GCLC: variants seen among roughly 807,000 people sequenced by gnomAD.
GCLC encodes glutamate-cysteine ligase catalytic subunit.
GCLC carries 30 observed loss-of-function variants against 81.5 expected under a neutral mutation model. That is an observed-to-expected ratio of 0.37 (90% CI 0.28 to 0.50). GCLC has a LOEUF of 0.50. Among genes scored for constraint, GCLC ranks in the 20% least tolerant of loss-of-function variants. The pLI is 0.96. For synonymous variants in GCLC, 262 were observed against 273.3 expected (o/e 0.96, Z 0.41); for missense variants, 556 against 777.4 (o/e 0.72, Z 3.39).
At chr6:53,520,261 A>G (rs1581739707) in intron 3 of GCLC, among the ~76,000 whole-genome samples, 3 of 152,250 alleles carry the variant, frequency 2.0e-5, no homozygotes, top group East Asian at 3.8e-4. Context: ...CAAGGACCTA[A>G]TGACTCACGT....
intron 1 of GCLC, among the ~76,000 whole-genome samples, chr6:53,539,966 C>T (rs374770788): frequency 1.4e-4 from 22 of 152,334 alleles, no homozygotes; most frequent in East Asian, 1.2e-3. Flanking sequence ...TTCTTTTTCA[C>T]GAGGCTCACC....
intron 12 of GCLC, among the ~76,000 whole-genome samples, chr6:53,501,653 C>T (rs779682552): frequency 1.3e-3 from 196 of 152,220 alleles, no homozygotes; most frequent in Non-Finnish European, 2.1e-3. Flanking sequence ...GCAGGGAGTG[C>T]GATTGTTATG....
chr6:53,504,387 G>A (rs1314796938), intron 12 of GCLC, among the ~76,000 whole-genome samples: 1 of 152,098 alleles, frequency 6.6e-6, no homozygotes, highest in Non-Finnish European at 1.5e-5. Context: ...TACAGAGTAT[G>A]CCCTTGCAAG....
Position 53,506,145 on chromosome 6 carries a change from A to C in GCLC, c.1198-250T>G. 2 of 434,384 alleles carry C rather than the reference A, an allele frequency of 4.6e-6. No homozygotes were observed. The highest frequency in any genetic ancestry group is 8.6e-6 in the Non-Finnish European group (2 of 233,196). The allele number at this position is 434,384 out of a possible 1,614,324, so 26.9% of individuals were successfully genotyped here. ...TAATCTCACCCAGCTCCTACTCCCT[A>C]TCTCCCAGCTACAGAGCAGCATCTG... On this transcript the variant is annotated intron_variant, in intron 10 of 15. Transcript: ENST00000650454. This position sits in a 1 kb window ranked among gnomAD's most constrained non-coding sequence, Gnocchi z 4.0.
intron 1 of GCLC, among the ~76,000 whole-genome samples, chr6:53,537,315 A>T (rs561849278): frequency 6.6e-6 from 1 of 152,362 alleles, no homozygotes; most frequent in East Asian, 1.9e-4. Context: ...CTGTTGAATC[A>T]ATGTCCAGTG....
intron 3 of GCLC, among the ~76,000 whole-genome samples, chr6:53,518,393 G>A (rs958349562): frequency 6.6e-6 from 1 of 152,156 alleles, no homozygotes; most frequent in African/African-American, 2.4e-5. Context: ...TGGGATTACA[G>A]GCGCATGCCA....
In GCLC at chr6:53,506,180, G is replaced by A. The variant is rs1278121594; in HGVS notation, c.1198-285C>T. 4 of 383,056 alleles carry A rather than the reference G, an allele frequency of 1.0e-5. No homozygotes were observed. The highest frequency in any genetic ancestry group is 2.3e-5 in the South Asian group (1 of 44,174). 23.7% of individuals were successfully genotyped at this position (383,056 alleles called of 1,614,324 possible). On this transcript the variant is annotated intron_variant, in intron 10 of 15. Coordinates refer to ENST00000650454, the MANE Select transcript of GCLC (RefSeq NM_001498.4). The surrounding 1 kb of genome is among the most constrained non-coding windows in gnomAD (Gnocchi z 4.0). The stretch of plus-strand genomic sequence containing the variant: ...TACAGAGCAGCATCTGAAGAGCCAC[G>A]GGGCCCCCACCTTCATCCCTGAGAA...
chr6:53,540,271 G>T (rs1487687359), intron 1 of GCLC, among the ~76,000 whole-genome samples: 1 of 137,192 alleles, frequency 7.3e-6, no homozygotes, highest in Non-Finnish European at 1.5e-5. Flanking sequence ...TTCACTGACA[G>T]AAGAATGAAG....
intron 1 of GCLC, among the ~76,000 whole-genome samples, chr6:53,528,797 A>G (rs1763125355): frequency 6.6e-6 from 1 of 152,202 alleles, no homozygotes; most frequent in African/African-American, 2.4e-5. Flanking sequence ...AAAATCAATT[A>G]ATTTCCTATA....
chr6:53,505,504 A>G lies in GCLC; in HGVS notation c.1291-8T>C, dbSNP rs773237849. The stretch of plus-strand genomic sequence containing the variant: ...AAAGTCTGTTAATTGCACCTAGACA[A>G]GCAGAAGCCCAGAGAAGTTATGAAC... On this transcript the variant is annotated splice_region_variant and splice_polypyrimidine_tract_variant and intron_variant, in intron 11 of 15. Coordinates refer to ENST00000650454, the MANE Select transcript of GCLC (RefSeq NM_001498.4). 1.4e-6 allele frequency: 2 copies of G among 1,444,204 alleles called. No individual in the cohort carries two copies. Among genetic ancestry groups the G allele is most frequent in the Non-Finnish European group, 2.0e-6 (2 of 1,025,372 alleles). The allele number at this position is 1,444,204 out of a possible 1,614,324, so 89.5% of individuals were successfully genotyped here.
At chr6:53,526,564 C>G (rs530042751) in intron 1 of GCLC, among the ~76,000 whole-genome samples, 2 of 152,006 alleles carry the variant, frequency 1.3e-5, no homozygotes, top group East Asian at 3.9e-4. Flanking sequence ...TTTGGGAGGC[C>G]GAGGCGGGCG....
At chr6:53,534,618 G>C (rs556415910) in intron 1 of GCLC, among the ~76,000 whole-genome samples, 15 of 150,874 alleles carry the variant, frequency 9.9e-5, no homozygotes, top group Admixed American at 2.7e-4. Flanking sequence ...CTTACTGCCT[G>C]GGGAGAGGCT....
At chr6:53,536,706 TACAG>T (rs1468989699) in intron 1 of GCLC, among the ~76,000 whole-genome samples, 1 of 152,198 alleles carries the variant, frequency 6.6e-6, no homozygotes, top group Non-Finnish European at 1.5e-5. Flanking sequence ...TTTCTGAACA[TACAG>T]AGTCTTACTG....
chr6:53,518,843 T>C (rs1252344712), intron 3 of GCLC, among the ~76,000 whole-genome samples: 1 of 152,216 alleles, frequency 6.6e-6, no homozygotes, highest in African/African-American at 2.4e-5. Context: ...TCATTTAACA[T>C]CTGTAACCTA....
chr6:53,543,966 AGT>A (rs909904661), intron 1 of GCLC, among the ~76,000 whole-genome samples: 1 of 152,180 alleles, frequency 6.6e-6, no homozygotes, highest in Admixed American at 6.5e-5. Flanking sequence ...ATAGCTATGA[AGT>A]GTGTGTGTTT....
At chr6:53,512,704 C>T (rs1764776870) in intron 6 of GCLC, among the ~76,000 whole-genome samples, 1 of 152,068 alleles carries the variant, frequency 6.6e-6, no homozygotes, top group Admixed American at 6.6e-5. Context: ...AAAATTCTAT[C>T]TACAAGCAAC....
intron 12 of GCLC, among the ~76,000 whole-genome samples, chr6:53,504,251 A>G (rs557581111): frequency 6.6e-6 from 1 of 152,016 alleles, no homozygotes; most frequent in East Asian, 1.9e-4. Context: ...GGATCTGGCA[A>G]TGTTGTCGGG....
At chr6:53,507,645 A>G in intron 8 of GCLC, 27 bp from the exon 9 acceptor site, 2 of 1,003,276 alleles carry the variant, frequency 2.0e-6, no homozygotes, top group Non-Finnish European at 3.1e-6. Flanking sequence ...TATATAAATG[A>G]ATATGCTATA....
Position 53,522,531 on chromosome 6 carries a change from T to C in GCLC, c.151-4A>G. ...AAGATACCAACATGTATTCCACCTA[T>C]TGAAAATAAAGGTGAGAAAAATTAA... On this transcript the variant is annotated splice_polypyrimidine_tract_variant and splice_region_variant and intron_variant, in intron 1 of 15. Transcript: ENST00000650454. 6.4e-7 allele frequency: 1 copy of C among 1,560,202 alleles called. No individual in the cohort carries two copies. Among genetic ancestry groups the C allele is most frequent in the Non-Finnish European group, 8.8e-7 (1 of 1,131,332 alleles).
Sources: allele counts gnomAD v4.1 joint callset (sites outside exome capture counted in the v4.1 genomes callset), GRCh38; gene constraint gnomAD v4.1.1; non-coding constraint Gnocchi (gnomAD v3.1); transcripts MANE v1.5; gene names NCBI Gene and HGNC (gene_info 2026-07-23, HGNC 2026-07-21).